Variants in CHL1 observed in about 807,000 individuals in gnomAD.
CHL1 encodes the protein cell adhesion molecule L1 like.
A neutral mutation model predicts 141.9 loss-of-function variants in CHL1; 96 were observed. The observed-to-expected ratio is 0.68, with a 90% CI of 0.57 to 0.80. The LOEUF (loss-of-function observed/expected upper bound fraction) is 0.80, where lower values mean the gene tolerates loss of function less well. Among genes scored for constraint, CHL1 ranks in the 30% least tolerant of loss-of-function variants. The pLI is 0.00. For synonymous variants in CHL1, 613 were observed against 502.2 expected (o/e 1.22, Z -2.95); for missense variants, 1,820 against 1,457.2 (o/e 1.25, Z -4.05).
intron 2 of CHL1, among the ~76,000 whole-genome samples, chr3:316,448 CT>C (rs1266060035): frequency 6.6e-6 from 1 of 150,984 alleles, no homozygotes; most frequent in Non-Finnish European, 1.5e-5. Flanking sequence ...CTAAATTTTT[CT>C]TTTGAAGTGG....
intron 8 of CHL1, 147 bp from the exon 9 acceptor site, chr3:344,442 T>A: frequency 1.8e-6 from 1 of 559,032 alleles, no homozygotes; most frequent in East Asian, 3.1e-5. Flanking sequence ...TCTATTTAAA[T>A]GGAAATATGT....
rs1412569667 is a variant in CHL1 at position 196,768 on chromosome 3, AC to A, written c.-467del. On this transcript the variant is annotated 5_prime_UTR_variant, in exon 1 of 28. Coordinates refer to ENST00000256509, the MANE Select transcript of CHL1 (RefSeq NM_006614.4). The stretch of plus-strand genomic sequence containing the variant: ...CGTGGGTGAGGGGTGGCGGCGCAGA[AC>A]CCAGGAAGGGAGCAGAGGCGAGAGC... 2 of 152,424 alleles carry A rather than the reference AC, an allele frequency of 1.3e-5. No individual in the cohort carries two copies. Among genetic ancestry groups the A allele is most frequent in the Non-Finnish European group, 2.9e-5 (2 of 68,292 alleles). 9.4% of individuals were successfully genotyped at this position (152,424 alleles called of 1,614,324 possible).
chr3:267,618 T>C (rs959714331), intron 2 of CHL1, among the ~76,000 whole-genome samples: 22 of 152,314 alleles, frequency 1.4e-4, no homozygotes, highest in Admixed American at 1.1e-3. Context: ...TTATACATTA[T>C]ATCTCATTAT....
chr3:309,229 G>GCA (rs1234817486), intron 2 of CHL1: 1 of 152,810 alleles, frequency 6.5e-6, no homozygotes, highest in Non-Finnish European at 1.5e-5. Flanking sequence ...CTGGCAGTGC[G>GCA]CACCCCAGCT....
intron 11 of CHL1, among the ~76,000 whole-genome samples, chr3:356,197 C>T (rs555718345): frequency 2.5e-4 from 38 of 152,016 alleles, no homozygotes; most frequent in African/African-American, 4.8e-4. Context: ...TTTGGGTAGA[C>T]GAAGGGAAAT....
rs116794214 is a variant in CHL1 at position 386,362 on chromosome 3, C to G, written c.2247+2476C>G. On this transcript the variant is annotated intron_variant, in intron 19 of 27. Transcript: ENST00000256509. The stretch of plus-strand genomic sequence containing the variant: ...AATTTAAAGTAACATTACAATTTAA[C>G]TTAATGGTAGAACTAGGCTTTTTAG... Among the ~76,000 whole-genome samples the G allele has an allele frequency of 2.0e-3, 306 of 152,242 alleles. 2 individuals are homozygous for G. Among genetic ancestry groups the G allele is most frequent in the African/African-American group, 7.1e-3 (293 of 41,548 alleles).
intron 9 of CHL1, among the ~76,000 whole-genome samples, chr3:345,330 A>G (rs1019376608): frequency 6.6e-5 from 10 of 151,264 alleles, no homozygotes; most frequent in East Asian, 5.8e-4. Flanking sequence ...ATTTATATCT[A>G]TTTTTACTCT....
At chr3:274,046 C>A (rs775494563) in intron 2 of CHL1, among the ~76,000 whole-genome samples, 1 of 152,242 alleles carries the variant, frequency 6.6e-6, no homozygotes. Context: ...TCCCTTCTCA[C>A]TTCACCAGTT....
intron 27 of CHL1, 39 bp downstream of exon 27, chr3:401,737 C>T (rs938125886): frequency 8.4e-7 from 1 of 1,193,768 alleles, no homozygotes; most frequent in Non-Finnish European, 1.2e-6. Context: ...AACACATATT[C>T]ATCATGTTGA....
At chr3:292,705 A>C (rs1455772331) in intron 2 of CHL1, among the ~76,000 whole-genome samples, 1 of 152,218 alleles carries the variant, frequency 6.6e-6, no homozygotes, top group Non-Finnish European at 1.5e-5. Context: ...CTTCTGGGGA[A>C]GCCACAGGGA....
At chr3:246,180 C>T (rs769432712) in intron 2 of CHL1, among the ~76,000 whole-genome samples, 11 of 151,954 alleles carry the variant, frequency 7.2e-5, no homozygotes, top group Non-Finnish European at 1.5e-4. Context: ...GAACAAAATA[C>T]AATACCCAGG....
chr3:404,873 A>C (rs1709411105), intron 27 of CHL1, among the ~76,000 whole-genome samples: 2 of 152,190 alleles, frequency 1.3e-5, no homozygotes, highest in African/African-American at 4.8e-5. Context: ...ATAAAAGAAC[A>C]GAAACTTAAT....
chr3:221,654 A>C (rs1700852505), intron 1 of CHL1, among the ~76,000 whole-genome samples: 1 of 152,266 alleles, frequency 6.6e-6, no homozygotes, highest in African/African-American at 2.4e-5. Flanking sequence ...TCAAGGACTT[A>C]TGCATCAACA....
intron 3 of CHL1, among the ~76,000 whole-genome samples, chr3:323,035 A>G (rs1468550293): frequency 6.6e-6 from 1 of 152,062 alleles, no homozygotes; most frequent in Non-Finnish European, 1.5e-5. Context: ...TAATTCTGCT[A>G]TGCGTCAAAG....
intron 2 of CHL1, among the ~76,000 whole-genome samples, chr3:248,818 C>G (rs1332480846): frequency 2.6e-5 from 4 of 152,082 alleles, no homozygotes; most frequent in Non-Finnish European, 4.4e-5. Context: ...TACTGAAACC[C>G]AGCAAAACTT....
rs902652764 is a variant in CHL1, at chr3:408,116, G to A, written c.*2405G>A. 1.3e-5 allele frequency: 2 copies of A among 152,082 alleles called. No homozygotes were observed. The highest frequency in any genetic ancestry group is 4.8e-5 in the African/African-American group (2 of 41,410). 9.4% of individuals were successfully genotyped at this position (152,082 alleles called of 1,614,324 possible). A position where few individuals can be genotyped will look rare whatever the true frequency, so the allele number is the denominator to read the frequency against. On this transcript the variant is annotated 3_prime_UTR_variant, in exon 28 of 28. Transcript: ENST00000256509. ...AAATAAATCTAAGTCGGTTAAAATG[G>A]ATTTCATGATTTTCCCTCAGAAAAT... is the stretch of plus-strand genomic sequence containing the variant.
intron 1 of CHL1, among the ~76,000 whole-genome samples, chr3:239,595 A>ATATAT (rs5845955): frequency 0.016 from 2,309 of 146,252 alleles, 31 homozygotes; most frequent in African/African-American, 0.025. Context: ...GTATATATAT[A>ATATAT]AAATATATAT....
intron 2 of CHL1, among the ~76,000 whole-genome samples, chr3:250,996 C>G (rs73814068): frequency 0.012 from 1,888 of 152,086 alleles, 38 homozygotes; most frequent in African/African-American, 0.043. Flanking sequence ...CCTCATGAAG[C>G]TTATAATCTT....
chr3:329,378 G>A (rs183939642), intron 5 of CHL1, among the ~76,000 whole-genome samples: 14 of 152,066 alleles, frequency 9.2e-5, no homozygotes, highest in Admixed American at 8.5e-4. Context: ...AACAAATGAT[G>A]AATCTTTAAC....
Sources: gnomAD v4.1 joint callset for allele counts (sites outside exome capture counted in the v4.1 genomes callset) on GRCh38, gnomAD v4.1.1 for gene constraint, MANE v1.5 for transcripts, NCBI Gene and HGNC (gene_info 2026-07-23, HGNC 2026-07-21) for gene names.